ANKS1B: variants seen among roughly 807,000 people sequenced by gnomAD.
The protein encoded by ANKS1B is ankyrin repeat and sterile alpha motif domain-containing protein 1B.
Under a neutral mutation model 148.3 loss-of-function variants are expected in ANKS1B, and 36 were observed. That is an observed-to-expected ratio of 0.24 (90% confidence interval 0.19 to 0.32). The LOEUF is 0.32. Ranked by LOEUF, ANKS1B falls within the 10% of genes least tolerant of loss-of-function variation. The pLI is 1.00. For missense variants in ANKS1B, 1,157 were observed against 1,542.6 expected (o/e 0.75, Z 4.19); for synonymous variants, 542 against 560.8 (o/e 0.97, Z 0.47).
intron 15 of ANKS1B, among the ~76,000 whole-genome samples, chr12:99,088,323 G>A (rs1477052057): frequency 6.6e-6 from 1 of 152,082 alleles, no homozygotes; most frequent in Admixed American, 6.6e-5. Context: ...GGGCAAACTT[G>A]GCTAAGTCAT....
intron 16 of ANKS1B, among the ~76,000 whole-genome samples, chr12:99,076,157 G>GT (rs932860332): frequency 1.4e-4 from 21 of 152,020 alleles, no homozygotes; most frequent in African/African-American, 4.8e-4. Context: ...TAGAGGCTGG[G>GT]TTTTTTAAAA....
chr12:99,604,686 G>A (rs2097837269), intron 9 of ANKS1B, among the ~76,000 whole-genome samples: 1 of 151,448 alleles, frequency 6.6e-6, no homozygotes, highest in Non-Finnish European at 1.5e-5. Context: ...ATGGTGGCAG[G>A]CATCTGTAAT....
At chr12:99,437,641 C>T (rs7297748) in intron 11 of ANKS1B, among the ~76,000 whole-genome samples, 63,370 of 151,634 alleles carry the variant, frequency 0.42, 15,882 homozygotes, top group African/African-American at 0.69. Context: ...GAATCCAGTG[C>T]TCTGTCAACT....
At chr12:98,746,108 G>A (rs2097884052) in intron 26 of ANKS1B, among the ~76,000 whole-genome samples, 1 of 152,216 alleles carries the variant, frequency 6.6e-6, no homozygotes, top group Non-Finnish European at 1.5e-5. Context: ...GACAGAGGCG[G>A]ATTTCAGTGC....
chr12:99,970,867 T>C (rs1340603604), intron 1 of ANKS1B, among the ~76,000 whole-genome samples: 1 of 152,180 alleles, frequency 6.6e-6, no homozygotes, highest in Non-Finnish European at 1.5e-5. Context: ...ACAGCATTAT[T>C]TGGTATTTCC....
At chr12:99,683,691 A>C (rs1292681822) in intron 8 of ANKS1B, among the ~76,000 whole-genome samples, 1 of 152,154 alleles carries the variant, frequency 6.6e-6, no homozygotes, top group Non-Finnish European at 1.5e-5. Flanking sequence ...ACAAAAAACC[A>C]ATATCCCTTA....
rs73380431 is a variant in ANKS1B at position 98,814,953 on chromosome 12, G to A, written c.3067-7035C>T. Reference sequence around the variant, plus strand: ...CAATGCATGTCTCGCTCTTGTTACCGTCTTATACTTTCGGTTACCATGACT... The same window carrying A: ...CAATGCATGTCTCGCTCTTGTTACCATCTTATACTTTCGGTTACCATGACT... On this transcript the variant is annotated intron_variant, in intron 19 of 26. Coordinates refer to ENST00000683438, the MANE Select transcript of ANKS1B (RefSeq NM_001352186.2). Among the ~76,000 whole-genome samples the A allele has an allele frequency of 4.7e-3, 722 of 152,214 alleles. 5 individuals carry two copies. The highest frequency in any genetic ancestry group is 0.017 in the African/African-American group (696 of 41,520).
chr12:98,881,923 A>T (rs1478148798), intron 17 of ANKS1B, among the ~76,000 whole-genome samples: 3 of 152,166 alleles, frequency 2.0e-5, no homozygotes, highest in Admixed American at 6.5e-5. Context: ...GCATATATGA[A>T]GAAGCACTGA....
At chr12:98,990,211 G>A (rs563644321) in intron 17 of ANKS1B, among the ~76,000 whole-genome samples, 61 of 152,016 alleles carry the variant, frequency 4.0e-4, no homozygotes, top group African/African-American at 1.4e-3. Context: ...ATGGTTTTTG[G>A]TGCAGAGATC....
intron 10 of ANKS1B, among the ~76,000 whole-genome samples, chr12:99,470,778 G>C (rs983987152): frequency 2.0e-5 from 3 of 152,064 alleles, no homozygotes; most frequent in Non-Finnish European, 4.4e-5. Flanking sequence ...AGAAAAACTG[G>C]ATGGAAATTG....
In ANKS1B at chr12:99,878,191, C is replaced by T. The variant is rs560444101; in HGVS notation, c.135-52802G>A. ...CTGAGAACTCTGTGATTCTCATGGT[C>T]GCAAAATACTGTAGCTCCAGACATC... On this transcript the variant is annotated intron_variant, in intron 1 of 26. Coordinates refer to ENST00000683438, the MANE Select transcript of ANKS1B (RefSeq NM_001352186.2). Among the ~76,000 whole-genome samples the T allele has an allele frequency of 1.6e-4, 24 of 152,160 alleles. No individual in the cohort carries two copies. In the South Asian group the frequency reaches 5.0e-3, roughly 32 times the overall value.
intron 9 of ANKS1B, among the ~76,000 whole-genome samples, chr12:99,626,519 T>A (rs535866167): frequency 6.4e-4 from 97 of 152,262 alleles, no homozygotes; most frequent in African/African-American, 2.3e-3. Context: ...TCAGAGCATT[T>A]CCCTCTAATC....
chr12:99,730,556 T>C (rs2059037324), intron 8 of ANKS1B, among the ~76,000 whole-genome samples: 1 of 152,120 alleles, frequency 6.6e-6, no homozygotes, highest in Non-Finnish European at 1.5e-5. Context: ...AAAGACTGCA[T>C]CTCATGAGTG....
At chr12:99,388,125 C>T (rs2093944312) in intron 12 of ANKS1B, among the ~76,000 whole-genome samples, 1 of 151,944 alleles carries the variant, frequency 6.6e-6, no homozygotes, top group Non-Finnish European at 1.5e-5. Context: ...GATCAGATAT[C>T]CTTTTTAAAA....
chr12:98,979,277 T>C (rs552808712), intron 17 of ANKS1B, among the ~76,000 whole-genome samples: 98 of 151,004 alleles, frequency 6.5e-4, no homozygotes, highest in African/African-American at 2.3e-3. Flanking sequence ...AATTAATTAA[T>C]TTTTTTTTGA....
chr12:99,532,645 C>A (rs1199245631), intron 9 of ANKS1B, among the ~76,000 whole-genome samples: 6 of 152,148 alleles, frequency 3.9e-5, no homozygotes, highest in African/African-American at 1.4e-4. Flanking sequence ...CAGGCGTGAG[C>A]CACCACGCCT....
intron 17 of ANKS1B, chr12:98,894,969 G>C: frequency 1.2e-6 from 1 of 829,896 alleles, no homozygotes; most frequent in African/African-American, 1.9e-5. Flanking sequence ...GGCTCCACGC[G>C]GCGCGCGCCT....
At chr12:99,957,619 T>C (rs1034484085) in intron 1 of ANKS1B, among the ~76,000 whole-genome samples, 3 of 152,218 alleles carry the variant, frequency 2.0e-5, no homozygotes, top group African/African-American at 7.2e-5. Flanking sequence ...GCTTATGTAG[T>C]CGAATTACTT....
At chr12:98,782,873 G>A (rs1027751824) in intron 22 of ANKS1B, among the ~76,000 whole-genome samples, 2 of 152,166 alleles carry the variant, frequency 1.3e-5, no homozygotes, top group East Asian at 1.9e-4. Flanking sequence ...TTAGAAACTC[G>A]TTTTAATGCT....
Sources: allele counts gnomAD v4.1 joint callset (sites outside exome capture counted in the v4.1 genomes callset), GRCh38; gene constraint gnomAD v4.1.1; transcripts MANE v1.5; gene names NCBI Gene and HGNC (gene_info 2026-07-23, HGNC 2026-07-21).